The following TTLL5 variants were observed in gnomAD, a reference collection of about 807,000 sequenced individuals.
The protein encoded by TTLL5 is tubulin polyglutamylase TTLL5.
Under a neutral mutation model 168.4 loss-of-function variants are expected in TTLL5, and 132 were observed. That is an observed-to-expected ratio of 0.78 (90% confidence interval 0.68 to 0.91). The LOEUF (loss-of-function observed/expected upper bound fraction) is 0.91, where lower values mean the gene tolerates loss of function less well. TTLL5 is among the 40% of genes least tolerant of loss of function. TTLL5 has a pLI of 0.00. For synonymous variants in TTLL5, 546 were observed against 558.6 expected, an observed-to-expected ratio of 0.98 and a Z score of 0.32; for missense variants, 1,545 against 1,581.5, an observed-to-expected ratio of 0.98 and a Z score of 0.39.
intron 7 of TTLL5, among the ~76,000 whole-genome samples, chr14:75,703,367 A>T (rs760804839): frequency 2.3e-4 from 35 of 152,242 alleles, no homozygotes; most frequent in Non-Finnish European, 4.7e-4. Flanking sequence ...GAGATAAAGG[A>T]TAGCAAAAGC....
At position 75,783,425 on chromosome 14, in the gene TTLL5, C is replaced by A; in HGVS notation, c.2881C>A (p.Pro961Thr). ...GAACATCCCAAGCCCTACTGGCCTG[C>A]CACGCTGTCGATCAGGAAGTCACAC... ...AQNIPSPTGL[P>T]RCRSGSHTIG... Residue 961 changes from proline (P) to threonine (T), a missense_variant, in exon 26 of 32, where the codon CCA becomes ACA. Pro to Thr is a conservative substitution (Grantham distance 38, BLOSUM62 -1). Coordinates refer to ENST00000298832, the MANE Select transcript of TTLL5 (RefSeq NM_015072.5). The A allele has an allele frequency of 6.2e-7, 1 of 1,614,194 alleles. No homozygotes were observed.
At chr14:75,812,772 C>A (rs893584993) in intron 27 of TTLL5, among the ~76,000 whole-genome samples, 1 of 152,124 alleles carries the variant, frequency 6.6e-6, no homozygotes, top group Admixed American at 6.5e-5. Flanking sequence ...CCTTAGCTAC[C>A]ATTCCTGGTA....
chr14:75,842,254 G>A (rs1896299898), intron 28 of TTLL5, among the ~76,000 whole-genome samples: 2 of 152,180 alleles, frequency 1.3e-5, no homozygotes, highest in South Asian at 4.1e-4. Flanking sequence ...ACCCTTGCCA[G>A]CATTACATAC....
rs149433867 is a variant in TTLL5, at chr14:75,690,288, C to G, written c.468C>G (p.Thr156=). Residue 156 remains threonine (T), a synonymous_variant, in exon 6 of 32, where the codon ACC becomes ACG. Transcript: ENST00000298832. The part of the protein sequence containing the change: ...GFKAFHILPQ[T]FLLPAEYAEF... ...AGGCTTTTCACATCCTCCCCCAGAC[C>G]TTCCTCCTGCCAGCTGAGTACGCGG... 62 of 1,610,254 alleles carry G rather than the reference C, an allele frequency of 3.9e-5. No homozygotes were observed. The highest frequency in any genetic ancestry group is 7.6e-6 in the Non-Finnish European group (9 of 1,178,422).
At chr14:75,837,820 T>TATATATGTGTATATCTAG (rs1471751996) in intron 28 of TTLL5, among the ~76,000 whole-genome samples, 10 of 152,116 alleles carry the variant, frequency 6.6e-5, no homozygotes, top group Non-Finnish European at 1.3e-4. Flanking sequence ...ATTAAACATA[T>TATATATGTGTATATCTAG]ATATATGTGT....
In TTLL5 at chr14:75,911,684, GT is replaced by G. The variant is rs199673029; in HGVS notation, c.3823+9466del. Among the ~76,000 whole-genome samples the G allele has an allele frequency of 2.0e-5, 3 of 152,218 alleles. No homozygotes were observed. In the East Asian group the frequency reaches 5.8e-4, roughly 29 times the overall value. On this transcript the variant is annotated intron_variant, in intron 31 of 31. Coordinates refer to ENST00000298832, the MANE Select transcript of TTLL5 (RefSeq NM_015072.5). ...AGATATTTTGGAATTTGACAGGAGA[GT>G]TTTTTAACTTATGCCTAAGCTTCAA...
chr14:75,879,039 A>T (rs2031659687), intron 29 of TTLL5, among the ~76,000 whole-genome samples: 1 of 152,198 alleles, frequency 6.6e-6, no homozygotes, highest in Middle Eastern at 3.4e-3. Context: ...TTAATTTTTA[A>T]TTTTTTCCAT....
intron 18 of TTLL5, among the ~76,000 whole-genome samples, chr14:75,762,746 A>G (rs577775043): frequency 1.3e-5 from 2 of 152,316 alleles, no homozygotes; most frequent in African/African-American, 4.8e-5. Flanking sequence ...TAGCTTCTCC[A>G]TATCTGTGAG....
intron 17 of TTLL5, among the ~76,000 whole-genome samples, chr14:75,750,726 CTATA>C (rs1281024280): frequency 1.3e-5 from 2 of 151,532 alleles, no homozygotes; most frequent in African/African-American, 4.9e-5. Context: ...CAAGGGTCAA[CTATA>C]TATACTATGT....
chr14:75,737,679 T>C (rs1888994474), intron 15 of TTLL5: 3 of 1,441,836 alleles, frequency 2.1e-6, no homozygotes, highest in Middle Eastern at 1.7e-4. Flanking sequence ...TTTTTAGCTT[T>C]AGTTTTTCAT....
At position 75,663,084 on chromosome 14, in the gene TTLL5, A is replaced by C. The variant is rs1469709365; in HGVS notation, c.-66A>C. ...CTGTGCCATCCAAATTGCTTGATCC[A>C]GTGAATCTGCTAGGAAAGGTCTCTG... On this transcript the variant is annotated 5_prime_UTR_variant, in exon 2 of 32. Transcript: ENST00000298832. The C allele has an allele frequency of 4.1e-6, 6 of 1,452,800 alleles. No homozygotes were observed. The Admixed American group carries it at 1.1e-4, about 26-fold the overall frequency. The allele number at this position is 1,452,800 out of a possible 1,614,324, so 90.0% of individuals were successfully genotyped here.
chr14:75,878,741 A>G (rs1428251103), intron 29 of TTLL5, among the ~76,000 whole-genome samples: 1 of 152,232 alleles, frequency 6.6e-6, no homozygotes, highest in Non-Finnish European at 1.5e-5. Context: ...TATTGTTTGA[A>G]GTGAAAACTA....
At chr14:75,742,891 A>G in intron 15 of TTLL5, among the ~76,000 whole-genome samples, 1 of 152,224 alleles carries the variant, frequency 6.6e-6, no homozygotes, top group East Asian at 1.9e-4. Context: ...TATATTATTT[A>G]TATTTGTTTC....
intron 29 of TTLL5, among the ~76,000 whole-genome samples, chr14:75,876,585 GTC>G (rs1452469171): frequency 6.6e-6 from 1 of 152,158 alleles, no homozygotes; most frequent in Admixed American, 6.5e-5. Flanking sequence ...TGTGTGCTTG[GTC>G]TCTCTATATG....
At chr14:75,710,027 C>T (rs188679965) in intron 9 of TTLL5, 2 of 151,626 alleles carry the variant, frequency 1.3e-5, no homozygotes, top group Admixed American at 1.3e-4. Flanking sequence ...TCTGCTCATC[C>T]TCACCTTCAC....
intron 31 of TTLL5, among the ~76,000 whole-genome samples, chr14:75,934,168 G>A (rs1417622628): frequency 6.6e-6 from 1 of 152,110 alleles, no homozygotes; most frequent in African/African-American, 2.4e-5. Flanking sequence ...ACTTAATCTT[G>A]GAAGTAACAT....
chr14:75,847,255 G>A (rs755645778), intron 28 of TTLL5, among the ~76,000 whole-genome samples: 6 of 151,902 alleles, frequency 3.9e-5, no homozygotes, highest in South Asian at 4.1e-4. Flanking sequence ...CACCCACCTC[G>A]GCCTTCCAAA....
chr14:75,875,180 G>A (rs555808016), intron 29 of TTLL5, among the ~76,000 whole-genome samples: 9 of 149,640 alleles, frequency 6.0e-5, no homozygotes, highest in Admixed American at 4.0e-4. Flanking sequence ...TGATCCGCCT[G>A]CCTCAGCCTC....
chr14:75,666,954 GA>G (rs1478060153), intron 2 of TTLL5, among the ~76,000 whole-genome samples: 1 of 152,138 alleles, frequency 6.6e-6, no homozygotes, highest in Non-Finnish European at 1.5e-5. Flanking sequence ...TTTCTGATGT[GA>G]ATGAGAATAT....
Sources: gnomAD v4.1 joint callset for allele counts (sites outside exome capture counted in the v4.1 genomes callset) on GRCh38, gnomAD v4.1.1 for gene constraint, MANE v1.5 for transcripts, NCBI Gene and HGNC (gene_info 2026-07-23, HGNC 2026-07-21) for gene names.